TCHP: variants seen among roughly 807,000 people sequenced by gnomAD.
The protein encoded by TCHP is trichoplein keratin filament binding, also known as trichoplein keratin filament-binding protein.
TCHP carries 81 observed loss-of-function variants against 88.7 expected under a neutral mutation model. That is an observed-to-expected ratio of 0.91 (90% confidence interval 0.76 to 1.10). The LOEUF (loss-of-function observed/expected upper bound fraction) is 1.10, where lower values mean the gene tolerates loss of function less well. Ranked by LOEUF, TCHP falls within the 50% of genes least tolerant of loss-of-function variation. The pLI is 0.00. For missense variants in TCHP, 641 were observed against 632.1 expected (o/e 1.01, Z -0.15); for synonymous variants, 232 against 232.5 (o/e 1.00, Z 0.02).
chr12:109,915,440 A>G lies in TCHP; in HGVS notation c.1358A>G (p.Gln453Arg). The change falls in exon 12 of 13, where the codon CAG becomes CGG. Residue 453 changes from glutamine (Q) to arginine (R), a missense_variant. Physicochemically the swap from Gln to Arg is conservative, Grantham distance 43. Transcript: ENST00000405876. The stretch of plus-strand genomic sequence containing the variant: ...CGGCTGCAGGCATGGGAAGCAGACC[A>G]GCAGGAGGAGGAGGAAGAGGAGGAG... ...ERRLQAWEADQQEEEEEEEAR... is the reference protein window; with the variant it reads ...ERRLQAWEADRQEEEEEEEAR... The G allele has an allele frequency of 6.2e-7, 1 of 1,614,150 alleles. No homozygotes were observed.
At chr12:109,891,566 T>G in the TCHP span, among the ~76,000 whole-genome samples, 318 of 149,990 alleles carry the variant, frequency 2.1e-3, 2 homozygotes, top group African/African-American at 7.4e-3. Flanking sequence ...GCTAATTTTT[T>G]GGGTTTTTTT....
At chr12:109,915,658 G>A (rs1489576528) in intron 12 of TCHP, 112 bp downstream of exon 12, 5 of 1,260,584 alleles carry the variant, frequency 4.0e-6, no homozygotes, top group Admixed American at 5.7e-5. Flanking sequence ...CCGGCCGTCC[G>A]GGTTATTCCT....
In TCHP at chr12:109,904,082, C is replaced by CA. The variant is rs776571590; in HGVS notation, c.335dup (p.Glu113GlyfsTer24). ...GGAGCTGAGGCTGAGCATGAACTTGCAGGAAAGAAGAATCCGGGAGCAGCA... is the reference window on the plus strand; with the variant it reads ...GGAGCTGAGGCTGAGCATGAACTTGCAAGGAAAGAAGAATCCGGGAGCAGCA... On this transcript the variant is annotated frameshift_variant, in exon 3 of 13. Coordinates refer to ENST00000405876, the MANE Select transcript of TCHP (RefSeq NM_001143852.2). LOFTEE classifies it high-confidence loss of function. 89 of 1,599,648 alleles carry CA rather than the reference C, an allele frequency of 5.6e-5. No individual in the cohort carries two copies. Among genetic ancestry groups the CA allele is most frequent in the Non-Finnish European group, 7.2e-5 (85 of 1,173,088 alleles).
the TCHP span, among the ~76,000 whole-genome samples, chr12:109,885,733 G>A: frequency 6.6e-6 from 1 of 151,456 alleles, no homozygotes; most frequent in East Asian, 1.9e-4. Flanking sequence ...CGCCCTCCTC[G>A]GCCTCGCAAA....
the TCHP span, among the ~76,000 whole-genome samples, chr12:109,889,621 A>C: frequency 6.6e-6 from 1 of 152,096 alleles, no homozygotes; most frequent in East Asian, 1.9e-4. Flanking sequence ...TTCATCTGTA[A>C]AGTTAGGACA....
In TCHP at chr12:109,914,644, G is replaced by C. The variant is rs1351899244; in HGVS notation, c.1320+17G>C. 1 of 1,603,400 alleles carries C rather than the reference G, an allele frequency of 6.2e-7. No homozygotes were observed. The highest frequency in any genetic ancestry group is 8.5e-7 in the Non-Finnish European group (1 of 1,175,854). On this transcript the variant is annotated intron_variant, in intron 11 of 12. Coordinates refer to ENST00000405876, the MANE Select transcript of TCHP (RefSeq NM_001143852.2). The stretch of plus-strand genomic sequence containing the variant: ...GAAGCCCAGGTAGGGCTGAGCCCAA[G>C]GGCGGGAGGCACCGGGCCTGCCAGG...
chr12:109,890,290 C>T, the TCHP span, among the ~76,000 whole-genome samples: 3 of 144,140 alleles, frequency 2.1e-5, no homozygotes, highest in African/African-American at 8.1e-5. Context: ...CACAAAAGAC[C>T]TCATCTCTAC....
chr12:109,886,913 T>A, the TCHP span, among the ~76,000 whole-genome samples: 1 of 151,976 alleles, frequency 6.6e-6, no homozygotes, highest in Non-Finnish European at 1.5e-5. Flanking sequence ...TTCACCATGT[T>A]GGTCAGGCTG....
At chr12:109,885,482 T>G in the TCHP span, among the ~76,000 whole-genome samples, 3 of 139,606 alleles carry the variant, frequency 2.1e-5, no homozygotes, top group East Asian at 2.1e-4. Context: ...CTGATGGTTT[T>G]TTTTTTTTTT....
chr12:109,909,185 G>A (rs1870340839), intron 8 of TCHP, among the ~76,000 whole-genome samples: 1 of 152,162 alleles, frequency 6.6e-6, no homozygotes, highest in African/African-American at 2.4e-5. Flanking sequence ...CTTAAGTGTT[G>A]TCACCATGAA....
At chr12:109,885,607 C>G in the TCHP span, among the ~76,000 whole-genome samples, 1 of 151,772 alleles carries the variant, frequency 6.6e-6, no homozygotes, top group African/African-American at 2.4e-5. Context: ...CTCAGCCTCC[C>G]GTATAGCTGG....
At chr12:109,888,484 A>G in the TCHP span, 3 of 152,112 alleles carry the variant, frequency 2.0e-5, no homozygotes, top group Non-Finnish European at 2.9e-5. Context: ...CACTCTGCAA[A>G]GTTTCGTCAT....
chr12:109,882,777 C>T, the TCHP span, among the ~76,000 whole-genome samples: 1 of 151,220 alleles, frequency 6.6e-6, no homozygotes, highest in Non-Finnish European at 1.5e-5. Context: ...CTGCCTCAGC[C>T]TCCCAAGTAG....
chr12:109,915,119 G>A (rs918014432), intron 11 of TCHP: 4 of 539,294 alleles, frequency 7.4e-6, no homozygotes, highest in Admixed American at 3.2e-5. Flanking sequence ...AATGCATACA[G>A]CCTCTCCAGC....
chr12:109,895,155 A>G, the TCHP span, among the ~76,000 whole-genome samples: 1 of 151,928 alleles, frequency 6.6e-6, no homozygotes, highest in Admixed American at 6.6e-5. Flanking sequence ...ACAGGAATTC[A>G]CTACAGTTCC....
Position 109,911,138 on chromosome 12 carries a change from G to T in TCHP, c.955G>T (p.Glu319Ter). ...ESQRLHLARREQVMADVAWMK... is the reference protein window; with the variant it reads ...ESQRLHLARR ...CCAGCGCCTCCACCTGGCCAGGCGG[G>T]AGCAGGTCATGGCCGATGTGGCCTG... Residue 319 changes from glutamate (E) to a stop codon, truncating the protein, a stop_gained, in exon 9 of 13, where the codon GAG becomes TAG. Transcript: ENST00000405876. LOFTEE classifies it high-confidence loss of function. 1.3e-6 allele frequency: 2 copies of T among 1,598,166 alleles called. No homozygotes were observed. Among genetic ancestry groups the T allele is most frequent in the South Asian group, 1.1e-5 (1 of 88,104 alleles).
chr12:109,903,270 G>T lies in TCHP; in HGVS notation c.188+56G>T. ...AAGTGGGGACCACTTGCTGGTCAGGGGATGAGGCCTTAAGGATTTAGGGAG... is the reference window on the plus strand; with the variant it reads ...AAGTGGGGACCACTTGCTGGTCAGGTGATGAGGCCTTAAGGATTTAGGGAG... On this transcript the variant is annotated intron_variant, in intron 2 of 12. Transcript: ENST00000405876. This position sits in a 1 kb window ranked among gnomAD's most constrained non-coding sequence, Gnocchi z 4.6. The T allele has an allele frequency of 1.3e-6, 2 of 1,536,320 alleles. No individual in the cohort carries two copies. The highest frequency in any genetic ancestry group is 1.8e-6 in the Non-Finnish European group (2 of 1,120,920).
At chr12:109,893,254 C>T in the TCHP span, among the ~76,000 whole-genome samples, 3 of 152,012 alleles carry the variant, frequency 2.0e-5, no homozygotes, top group Non-Finnish European at 2.9e-5. Flanking sequence ...TGGTGCATGC[C>T]TGTAATCCCA....
chr12:109,902,630 C>T (rs992064214), intron 1 of TCHP, among the ~76,000 whole-genome samples: 3 of 152,170 alleles, frequency 2.0e-5, no homozygotes, highest in African/African-American at 7.2e-5. Flanking sequence ...CCCACCAGCA[C>T]GCCTGGCTAA....
Sources: gnomAD v4.1 joint callset for allele counts (sites outside exome capture counted in the v4.1 genomes callset) on GRCh38, gnomAD v4.1.1 for gene constraint, Gnocchi (gnomAD v3.1) non-coding constraint, MANE v1.5 for transcripts, NCBI Gene and HGNC (gene_info 2026-07-23, HGNC 2026-07-21) for gene names.